Variants in IL1RAPL1 observed in about 807,000 individuals in gnomAD.
IL1RAPL1 encodes interleukin 1 receptor accessory protein like 1, also known as interleukin-1 receptor accessory protein-like 1.
A neutral mutation model predicts 48.4 loss-of-function variants in IL1RAPL1; 3 were observed. The ratio of observed to expected loss-of-function variants is 0.06; its 90% CI spans 0.03 to 0.16. IL1RAPL1 has a LOEUF of 0.16. Among genes scored for constraint, IL1RAPL1 ranks in the 10% least tolerant of loss-of-function variants. IL1RAPL1 has a pLI of 1.00. For missense variants in IL1RAPL1, 349 were observed against 530.6 expected, an observed-to-expected ratio of 0.66 and a Z score of 3.36; for synonymous variants, 185 against 187.7, an observed-to-expected ratio of 0.99 and a Z score of 0.12.
intron 1 of IL1RAPL1, among the ~76,000 whole-genome samples, chrX:28,768,751 C>CTA (rs1319423117): frequency 3.0e-4 from 19 of 63,370 alleles, no homozygotes; most frequent in Admixed American, 3.9e-4. Context: ...CTCTCTCTCT[C>CTA]TCTCTATATA....
chrX:28,590,545 T>C (rs907587937), intron 1 of IL1RAPL1, among the ~76,000 whole-genome samples: 3 of 111,249 alleles, frequency 2.7e-5, no homozygotes, highest in African/African-American at 9.8e-5. Context: ...ATTGTGCCAG[T>C]GGATTGGGAG....
intron 5 of IL1RAPL1, among the ~76,000 whole-genome samples, chrX:29,516,033 CTTCTGA>C (rs914991965): frequency 7.2e-5 from 8 of 111,682 alleles, no homozygotes; most frequent in Non-Finnish European, 1.5e-4. Context: ...CCTCTTTGTC[CTTCTGA>C]TTTTCAGTGT....
intron 1 of IL1RAPL1, among the ~76,000 whole-genome samples, chrX:28,660,086 G>GGTGTGTGTGTGTGTGT (rs60600833): frequency 1.3e-3 from 102 of 76,446 alleles, no homozygotes; most frequent in East Asian, 7.2e-3. Flanking sequence ...GAGTGAGGAT[G>GGTGTGTGTGTGTGTGT]GTGTGTGTGT....
intron 3 of IL1RAPL1, among the ~76,000 whole-genome samples, chrX:29,381,829 A>AT (rs1464953560): frequency 1.0e-3 from 33 of 31,698 alleles, no homozygotes; most frequent in South Asian, 2.2e-3. Flanking sequence ...AAAAAAAAAA[A>AT]AAAAATATAT....
intron 1 of IL1RAPL1, among the ~76,000 whole-genome samples, chrX:28,648,876 T>G (rs2146902633): frequency 8.9e-6 from 1 of 112,040 alleles, no homozygotes; most frequent in African/African-American, 3.2e-5. Flanking sequence ...GATACAAAGT[T>G]ACATTATCGT....
chrX:29,364,562 C>CAAAAAA (rs766680904), intron 3 of IL1RAPL1, among the ~76,000 whole-genome samples: 1 of 43,537 alleles, frequency 2.3e-5, no homozygotes, highest in African/African-American at 8.9e-5. Context: ...GACTCTATCT[C>CAAAAAA]AAAAAAAAAA....
In IL1RAPL1 at chrX:29,735,957, G is replaced by A. The variant is rs144025320; in HGVS notation, c.778+67453G>A. Reference sequence around the variant, plus strand: ...AGAACTAAGTTACAAAGACATGGAAGACAGAATAGACTTGGTTCTGGCCGT... The same window carrying A: ...AGAACTAAGTTACAAAGACATGGAAAACAGAATAGACTTGGTTCTGGCCGT... On this transcript the variant is annotated intron_variant, in intron 6 of 10. Coordinates refer to ENST00000378993, the MANE Select transcript of IL1RAPL1 (RefSeq NM_014271.4). 5.0e-3 allele frequency among the ~76,000 whole-genome samples: 557 copies of A among 112,397 alleles called. 5 individuals carry two copies. The highest frequency in any genetic ancestry group is 0.016 in the African/African-American group (507 of 30,978).
At chrX:29,142,544 C>T (rs886416891) in intron 2 of IL1RAPL1, among the ~76,000 whole-genome samples, 1 of 111,955 alleles carries the variant, frequency 8.9e-6, no homozygotes, top group African/African-American at 3.3e-5. Context: ...ATCAGTTCAT[C>T]ATATTGTATC....
intron 5 of IL1RAPL1, among the ~76,000 whole-genome samples, chrX:29,636,150 C>CA (rs1381784250): frequency 1.8e-5 from 2 of 110,833 alleles, no homozygotes; most frequent in East Asian, 2.8e-4. Context: ...GATAATATGA[C>CA]AAAAAATGGT....
intron 2 of IL1RAPL1, among the ~76,000 whole-genome samples, chrX:28,865,605 G>C (rs1569188710): frequency 9.0e-6 from 1 of 111,693 alleles, no homozygotes; most frequent in Non-Finnish European, 1.9e-5. Flanking sequence ...GTATGTAAAT[G>C]GTATTTAAAA....
At chrX:28,987,977 G>A (rs1925515697) in intron 2 of IL1RAPL1, among the ~76,000 whole-genome samples, 1 of 111,861 alleles carries the variant, frequency 8.9e-6, no homozygotes, top group Non-Finnish European at 1.9e-5. Context: ...AAGTGATAAA[G>A]GCACACAATA....
rs1273860126 is a variant in IL1RAPL1 at position 28,613,250 on chromosome X, A to T, written c.-25+25203A>T. On this transcript the variant is annotated intron_variant, in intron 1 of 10. Coordinates refer to ENST00000378993, the MANE Select transcript of IL1RAPL1 (RefSeq NM_014271.4). ...AGTGGCTGAGCTGGAATTAGCAAAT[A>T]GTCCTGGTCCTCTTGACTTTGGGCC... Among the ~76,000 whole-genome samples the T allele has an allele frequency of 1.7e-4, 19 of 112,648 alleles. No individual in the cohort carries two copies. In the Admixed American group the frequency reaches 1.8e-3, roughly 11 times the overall value.
At chrX:29,833,483 G>T (rs1253421744) in intron 6 of IL1RAPL1, among the ~76,000 whole-genome samples, 1 of 110,955 alleles carries the variant, frequency 9.0e-6, no homozygotes, top group Admixed American at 9.6e-5. Context: ...ACTTTCCCAA[G>T]GAGTCCCTGA....
In IL1RAPL1 at chrX:28,746,612, C is replaced by G. The variant is rs184012743; in HGVS notation, c.-24-42708C>G. Among the ~76,000 whole-genome samples the G allele has an allele frequency of 4.2e-3, 473 of 111,990 alleles. 2 individuals carry two copies. Among genetic ancestry groups the G allele is most frequent in the African/African-American group, 0.012 (376 of 30,952 alleles). On this transcript the variant is annotated intron_variant, in intron 1 of 10. Coordinates refer to ENST00000378993, the MANE Select transcript of IL1RAPL1 (RefSeq NM_014271.4). Reference sequence around the variant, plus strand: ...TATGAATTTTTGTTCTGTTAGCAAACATTTTTAAAGTGAATGTTCTGAATA... The same window carrying G: ...TATGAATTTTTGTTCTGTTAGCAAAGATTTTTAAAGTGAATGTTCTGAATA...
intron 2 of IL1RAPL1, among the ~76,000 whole-genome samples, chrX:28,979,675 T>C (rs898521619): frequency 9.8e-5 from 11 of 112,126 alleles, no homozygotes; most frequent in African/African-American, 3.6e-4. Context: ...AATAATGATG[T>C]TTCTGAAAAG....
chrX:29,476,091 C>T (rs987544944), intron 5 of IL1RAPL1, among the ~76,000 whole-genome samples: 1 of 111,200 alleles, frequency 9.0e-6, no homozygotes, highest in Non-Finnish European at 1.9e-5. Context: ...TGGAGTAAAA[C>T]GTAAAAGCAG....
chrX:29,226,581 G>A (rs767336016), intron 2 of IL1RAPL1, among the ~76,000 whole-genome samples: 1 of 107,289 alleles, frequency 9.3e-6, no homozygotes, highest in South Asian at 4.1e-4. Flanking sequence ...TACAGTGCCC[G>A]CCACCACATC....
intron 2 of IL1RAPL1, among the ~76,000 whole-genome samples, chrX:28,829,683 C>T (rs1030936777): frequency 4.4e-4 from 48 of 108,441 alleles, no homozygotes; most frequent in African/African-American, 1.5e-3. Flanking sequence ...CCTCAGCCTC[C>T]GGAGTAGCTG....
chrX:29,931,274 G>A (rs1028241286), intron 8 of IL1RAPL1, among the ~76,000 whole-genome samples: 1 of 111,334 alleles, frequency 9.0e-6, no homozygotes, highest in Non-Finnish European at 1.9e-5. Context: ...TATGAATTCA[G>A]AAGTGTTCAT....
Sources: gnomAD v4.1 joint callset for allele counts (sites outside exome capture counted in the v4.1 genomes callset) on GRCh38, gnomAD v4.1.1 for gene constraint, MANE v1.5 for transcripts, NCBI Gene and HGNC (gene_info 2026-07-23, HGNC 2026-07-21) for gene names.